EBF2: variants seen among roughly 807,000 people sequenced by gnomAD.
The protein encoded by EBF2 is transcription factor COE2.
In EBF2, 21 loss-of-function variants were observed where a neutral mutation model predicts 72.8. The observed-to-expected ratio is 0.29, with a 90% confidence interval of 0.20 to 0.42. EBF2 has a LOEUF of 0.42. Among genes scored for constraint, EBF2 ranks in the 10% least tolerant of loss-of-function variants. EBF2 has a pLI of 1.00. For missense variants in EBF2, 637 were observed against 731.2 expected (o/e 0.87, Z 1.49); for synonymous variants, 299 against 274.2 (o/e 1.09, Z -0.89).
chr8:26,019,973 C>T (rs1428157626), intron 6 of EBF2, among the ~76,000 whole-genome samples: 1 of 152,098 alleles, frequency 6.6e-6, no homozygotes, highest in Non-Finnish European at 1.5e-5. Flanking sequence ...AGGAAGAGTT[C>T]AGGGGGCTCA....
At chr8:25,959,898 TAGTATG>T (rs1252513478) in intron 6 of EBF2, among the ~76,000 whole-genome samples, 2 of 152,102 alleles carry the variant, frequency 1.3e-5, no homozygotes, top group African/African-American at 2.4e-5. Flanking sequence ...AAGGACTAGG[TAGTATG>T]GTCCCATTCT....
At chr8:25,858,574 G>C in intron 13 of EBF2, 70 bp from the exon 14 acceptor site, 1 of 1,494,554 alleles carries the variant, frequency 6.7e-7, no homozygotes, top group Non-Finnish European at 9.0e-7. Context: ...GGCTAGCACA[G>C]GTCCTCATTG....
intron 6 of EBF2, among the ~76,000 whole-genome samples, chr8:25,924,306 G>A (rs777182539): frequency 5.3e-5 from 8 of 152,142 alleles, no homozygotes; most frequent in Non-Finnish European, 7.3e-5. Context: ...TGTTCCTACC[G>A]TAAAATCAGC....
chr8:25,862,843 A>G (rs1311435040), intron 10 of EBF2, 46 bp from the exon 11 acceptor site: 2 of 1,425,042 alleles, frequency 1.4e-6, no homozygotes, highest in Non-Finnish European at 1.9e-6. Context: ...CTGGCTATAA[A>G]GCAAACCTTC....
At chr8:26,041,968 G>A (rs1585238921) in intron 2 of EBF2, 127 bp downstream of exon 2, 2 of 1,378,760 alleles carry the variant, frequency 1.5e-6, no homozygotes, top group African/African-American at 1.4e-5. Context: ...CTGGGGGTGA[G>A]TAGCCTCGAT....
At chr8:25,948,229 C>T (rs962514780) in intron 6 of EBF2, among the ~76,000 whole-genome samples, 3 of 152,176 alleles carry the variant, frequency 2.0e-5, no homozygotes, top group Non-Finnish European at 4.4e-5. Flanking sequence ...TGACAAGGTG[C>T]ACCGTCTTTC....
rs377084156 is a variant in EBF2, at chr8:25,938,392, GT to G, written c.552-29838del. On this transcript the variant is annotated intron_variant, in intron 6 of 15. Transcript: ENST00000520164. ...CTTACTTTGAAAAAAAAAAAGCCTA[GT>G]TTTTTTTTTGTCTTTCAGTTTTTTT... is the stretch of plus-strand genomic sequence containing the variant. Among the ~76,000 whole-genome samples, 67 of 143,016 alleles carry G rather than the reference GT, an allele frequency of 4.7e-4. 1 individual carries two copies. The highest frequency in any genetic ancestry group is 3.5e-3 in the Middle Eastern group (1 of 284). The allele number at this position is 143,016 out of a possible 152,430, so 93.8% of individuals were successfully genotyped here. A position where few individuals can be genotyped will look rare whatever the true frequency, so the allele number is the denominator to read the frequency against.
chr8:26,043,262 C>T (rs11992541), intron 1 of EBF2, among the ~76,000 whole-genome samples: 6 of 152,320 alleles, frequency 3.9e-5, no homozygotes, highest in African/African-American at 9.6e-5. Context: ...GGGAGCTGCC[C>T]TGCGGCGCTG....
At chr8:25,855,180 T>A (rs1277729510) in intron 14 of EBF2, among the ~76,000 whole-genome samples, 1 of 152,208 alleles carries the variant, frequency 6.6e-6, no homozygotes, top group African/African-American at 2.4e-5. Context: ...CTTTTCTTTG[T>A]AGGAGGATTG....
At chr8:25,943,365 T>C (rs1386453524) in intron 6 of EBF2, among the ~76,000 whole-genome samples, 2 of 149,546 alleles carry the variant, frequency 1.3e-5, no homozygotes, top group Non-Finnish European at 1.5e-5. Context: ...AAAAATTTAG[T>C]CGGGCATGCT....
chr8:25,912,120 C>G (rs1170321774), intron 6 of EBF2, among the ~76,000 whole-genome samples: 3 of 152,212 alleles, frequency 2.0e-5, no homozygotes, highest in African/African-American at 7.2e-5. Flanking sequence ...AGTAGCCACT[C>G]TGCCCAATAC....
chr8:25,963,043 C>T (rs1223390792), intron 6 of EBF2, among the ~76,000 whole-genome samples: 1 of 152,134 alleles, frequency 6.6e-6, no homozygotes, highest in East Asian at 1.9e-4. Context: ...TGGGAGTCTC[C>T]AAATAACAAG....
chr8:26,042,060 T>C (rs753110593), intron 2 of EBF2, 35 bp downstream of exon 2: 39 of 1,604,634 alleles, frequency 2.4e-5, no homozygotes, highest in East Asian at 1.6e-4. Context: ...AGGGAGTTAT[T>C]AGGCCGCGGG....
intron 6 of EBF2, among the ~76,000 whole-genome samples, chr8:25,931,900 TA>T (rs1393587946): frequency 1.3e-5 from 2 of 151,022 alleles, no homozygotes; most frequent in East Asian, 3.8e-4. Flanking sequence ...TTATTAAATA[TA>T]TTTTTTTCAT....
intron 6 of EBF2, among the ~76,000 whole-genome samples, chr8:26,023,734 C>T (rs1563211729): frequency 6.6e-6 from 1 of 152,144 alleles, no homozygotes. Flanking sequence ...GACACGTACT[C>T]ATGGGGACAA....
intron 13 of EBF2, among the ~76,000 whole-genome samples, chr8:25,859,999 G>T (rs754381192): frequency 6.6e-6 from 1 of 151,660 alleles, no homozygotes; most frequent in Non-Finnish European, 1.5e-5. Flanking sequence ...TTACAAGCGT[G>T]AGCCACCACA....
At chr8:25,949,474 A>G (rs976251950) in intron 6 of EBF2, among the ~76,000 whole-genome samples, 10 of 152,204 alleles carry the variant, frequency 6.6e-5, no homozygotes, top group Non-Finnish European at 1.5e-4. Context: ...GCTAGATAAA[A>G]AGTTTACAAG....
chr8:26,010,623 C>A (rs1177767657), intron 6 of EBF2, among the ~76,000 whole-genome samples: 1 of 152,114 alleles, frequency 6.6e-6, no homozygotes, highest in African/African-American at 2.4e-5. Flanking sequence ...CGCCGTGCTG[C>A]AGCTTGAGAG....
intron 6 of EBF2, among the ~76,000 whole-genome samples, chr8:26,028,985 A>G (rs1285926546): frequency 1.3e-5 from 2 of 152,252 alleles, no homozygotes; most frequent in Admixed American, 6.5e-5. Context: ...ACAAAAGCAT[A>G]CTGAACAGAA....
Sources: gnomAD v4.1 joint callset for allele counts (sites outside exome capture counted in the v4.1 genomes callset) on GRCh38, gnomAD v4.1.1 for gene constraint, MANE v1.5 for transcripts, NCBI Gene and HGNC (gene_info 2026-07-23, HGNC 2026-07-21) for gene names.